ATP5F1C: variants seen among roughly 807,000 people sequenced by gnomAD.
ATP5F1C encodes the protein ATP synthase F1 subunit gamma.
In ATP5F1C, 22 loss-of-function variants were observed where a neutral mutation model predicts 37.4. That is an observed-to-expected ratio of 0.59 (90% confidence interval 0.42 to 0.84). The LOEUF (loss-of-function observed/expected upper bound fraction) is 0.84, where lower values mean the gene tolerates loss of function less well. Among genes scored for constraint, ATP5F1C ranks in the 40% least tolerant of loss-of-function variants. The probability of loss-of-function intolerance (pLI) is 0.00; values close to 1 mark genes in which losing one functional copy is unlikely to be tolerated. For missense variants in ATP5F1C, 286 were observed against 362.4 expected, an observed-to-expected ratio of 0.79 and a Z score of 1.71; for synonymous variants, 121 against 128.0, an observed-to-expected ratio of 0.95 and a Z score of 0.37.
rs1186517540 is a variant in ATP5F1C at position 7,800,201 on chromosome 10, G to C, written c.637+110G>C. 3 of 1,162,042 alleles carry C rather than the reference G, an allele frequency of 2.6e-6. No individual in the cohort carries two copies. In the African/African-American group the frequency reaches 4.6e-5, roughly 18 times the overall value. 72.0% of individuals were successfully genotyped at this position (1,162,042 alleles called of 1,614,324 possible). A position where few individuals can be genotyped will look rare whatever the true frequency, so the allele number is the denominator to read the frequency against. On this transcript the variant is annotated intron_variant, in intron 6 of 9. Coordinates refer to ENST00000356708, the MANE Select transcript of ATP5F1C (RefSeq NM_001001973.3). ...GGTGGTAGCTATAGCAAATGATTTG[G>C]GGCTGTTTCTTTTTTAGATGGAATC...
chr10:7,790,467 A>G (rs916289193), intron 1 of ATP5F1C, among the ~76,000 whole-genome samples: 2 of 152,238 alleles, frequency 1.3e-5, no homozygotes, highest in African/African-American at 4.8e-5. Context: ...ACTGTCTTCA[A>G]ATTTGGGAAA....
intron 8 of ATP5F1C, among the ~76,000 whole-genome samples, chr10:7,806,463 T>A (rs1444925673): frequency 6.6e-6 from 1 of 152,118 alleles, no homozygotes; most frequent in Non-Finnish European, 1.5e-5. Flanking sequence ...CAGACCAGCC[T>A]GGCCAACATG....
Position 7,799,810 on chromosome 10 carries a change from T to C in ATP5F1C, c.467T>C (p.Val156Ala), listed in dbSNP as rs914198857. 4 of 1,614,210 alleles carry C rather than the reference T, an allele frequency of 2.5e-6. No individual in the cohort carries two copies. Among genetic ancestry groups the C allele is most frequent in the African/African-American group, 1.3e-5 (1 of 75,068 alleles). The change falls in exon 5 of 10, where the codon GTG becomes GCG. Residue 156 changes from valine to alanine, a missense_variant. Val to Ala is a moderately conservative substitution (Grantham distance 64). Coordinates refer to ENST00000356708, the MANE Select transcript of ATP5F1C (RefSeq NM_001001973.3). ...SDQFLVAFKE[V>A]GRKPPTFGDA... ...CAGTTTCTGGTGGCATTCAAAGAAG[T>C]GGGAAGAAAGCCCCCCACTTTTGGA...
chr10:7,790,562 C>T (rs572215210), intron 1 of ATP5F1C, among the ~76,000 whole-genome samples: 5 of 151,930 alleles, frequency 3.3e-5, no homozygotes, highest in South Asian at 2.1e-4. Context: ...CTACAGATAC[C>T]GATAAGGAGA....
intron 4 of ATP5F1C, 45 bp downstream of exon 4, chr10:7,799,239 G>A (rs778501395): frequency 5.8e-6 from 9 of 1,548,796 alleles, no homozygotes; most frequent in East Asian, 2.4e-5. Flanking sequence ...ATGTAAGCAC[G>A]AATAAATCTT....
At chr10:7,794,328 T>G (rs1836204763) in intron 1 of ATP5F1C, among the ~76,000 whole-genome samples, 1 of 152,198 alleles carries the variant, frequency 6.6e-6, no homozygotes, top group Admixed American at 6.5e-5. Flanking sequence ...AAAAACAGTT[T>G]TATTCCTTCC....
At chr10:7,796,644 GC>G (rs1212052837) in intron 2 of ATP5F1C, 1 of 155,110 alleles carries the variant, frequency 6.4e-6, no homozygotes, top group Non-Finnish European at 1.4e-5. Context: ...GAGTGCAGTG[GC>G]GCCATCTCGG....
chr10:7,799,813 G>T lies in ATP5F1C; in HGVS notation c.470G>T (p.Gly157Val), dbSNP rs1449771338. The T allele has an allele frequency of 1.2e-5, 19 of 1,614,070 alleles. No homozygotes were observed. Among genetic ancestry groups the T allele is most frequent in the African/African-American group, 2.7e-5 (2 of 74,936 alleles). The change falls in exon 5 of 10, where the codon GGA (glycine) becomes GTA (valine). Residue 157 changes from glycine (G) to valine (V), a missense_variant. By Grantham distance (109) the Gly-to-Val change is moderately radical. Coordinates refer to ENST00000356708, the MANE Select transcript of ATP5F1C (RefSeq NM_001001973.3). ...DQFLVAFKEVGRKPPTFGDAS... is the reference protein window; with the variant it reads ...DQFLVAFKEVVRKPPTFGDAS... The stretch of plus-strand genomic sequence containing the variant: ...TTTCTGGTGGCATTCAAAGAAGTGG[G>T]AAGAAAGCCCCCCACTTTTGGAGAT...
At chr10:7,789,581 T>C (rs1033260286) in intron 1 of ATP5F1C, among the ~76,000 whole-genome samples, 1 of 152,164 alleles carries the variant, frequency 6.6e-6, no homozygotes, top group African/African-American at 2.4e-5. Flanking sequence ...CACCCGGTGG[T>C]ACTTGGAAAG....
At position 7,797,110 on chromosome 10, in the gene ATP5F1C, C is replaced by G. The variant is rs747924256; in HGVS notation, c.155C>G (p.Ala52Gly). The G allele has an allele frequency of 6.2e-7, 1 of 1,614,034 alleles. No individual in the cohort carries two copies. The highest frequency in any genetic ancestry group is 1.1e-5 in the South Asian group (1 of 91,076). The change falls in exon 3 of 10, where the codon GCG becomes GGG. Residue 52 changes from alanine (A) to glycine (G), a missense_variant. Ala to Gly is a moderately conservative substitution (Grantham distance 60). Coordinates refer to ENST00000356708, the MANE Select transcript of ATP5F1C (RefSeq NM_001001973.3). ...QKITKSMKMV[A>G]AAKYARAERE... ...ATTACCAAGTCTATGAAAATGGTAG[C>G]GGCAGCAAAATATGCCCGAGCTGAG...
At chr10:7,799,283 C>T in intron 4 of ATP5F1C, 89 bp downstream of exon 4, 1 of 1,232,262 alleles carries the variant, frequency 8.1e-7, no homozygotes, top group Non-Finnish European at 1.2e-6. Context: ...TCAAAACCTT[C>T]ATCAATAACA....
chr10:7,802,394 G>A lies in ATP5F1C; in HGVS notation c.762G>A (p.Met254Ile). 1 of 1,613,634 alleles carries A rather than the reference G, an allele frequency of 6.2e-7. No homozygotes were observed. The highest frequency in any genetic ancestry group is 8.5e-7 in the Non-Finnish European group (1 of 1,179,852). Reference sequence around the variant, plus strand: ...CCACTAGTGAGCAGAGTGCCAGGATGACAGCCATGGACAATGCCAGCAAGA... The same window carrying A: ...CCACTAGTGAGCAGAGTGCCAGGATAACAGCCATGGACAATGCCAGCAAGA... ...ESTTSEQSAR[M>I]TAMDNASKNA... The change falls in exon 7 of 10, where the codon ATG (methionine) becomes ATA (isoleucine). Residue 254 changes from methionine to isoleucine, a missense_variant. Met to Ile is a conservative substitution (Grantham distance 10). Coordinates refer to ENST00000356708, the MANE Select transcript of ATP5F1C (RefSeq NM_001001973.3).
chr10:7,802,475 G>A (rs1456331188), intron 7 of ATP5F1C, 50 bp downstream of exon 7: 3 of 1,568,040 alleles, frequency 1.9e-6, no homozygotes, highest in Non-Finnish European at 2.6e-6. Context: ...TGAGCACACA[G>A]TGAATCTCAG....
At chr10:7,802,664 T>C in intron 7 of ATP5F1C, 94 bp from the exon 8 acceptor site, 2 of 1,372,148 alleles carry the variant, frequency 1.5e-6, no homozygotes, top group Non-Finnish European at 2.0e-6. Flanking sequence ...TATCCAAAAA[T>C]TTCTTACTTT....
At chr10:7,798,921 G>A in intron 3 of ATP5F1C, 69 bp from the exon 4 acceptor site, 1 of 1,438,564 alleles carries the variant, frequency 7.0e-7, no homozygotes. Context: ...CAACTGCTTT[G>A]TAAATTAGAG....
chr10:7,790,582 A>C (rs1191394089), intron 1 of ATP5F1C, among the ~76,000 whole-genome samples: 1 of 152,218 alleles, frequency 6.6e-6, no homozygotes, highest in East Asian at 1.9e-4. Context: ...ATGGCATTTC[A>C]GGAGAGAAAA....
intron 8 of ATP5F1C, among the ~76,000 whole-genome samples, chr10:7,803,481 G>T (rs1233991711): frequency 6.6e-6 from 1 of 151,926 alleles, no homozygotes; most frequent in African/African-American, 2.4e-5. Context: ...AATTGTTGTT[G>T]TATTGGTTTT....
intron 3 of ATP5F1C, among the ~76,000 whole-genome samples, chr10:7,798,676 G>A (rs186155751): frequency 6.6e-6 from 1 of 152,138 alleles, no homozygotes; most frequent in Non-Finnish European, 1.5e-5. Context: ...GATTACAGAC[G>A]TGAGCCACCG....
intron 4 of ATP5F1C, 90 bp from the exon 5 acceptor site, chr10:7,799,682 T>C: frequency 6.8e-7 from 1 of 1,476,888 alleles, no homozygotes; most frequent in South Asian, 1.3e-5. Context: ...ACCTGATCCA[T>C]GGTGACAATG....
Sources: allele counts gnomAD v4.1 joint callset (sites outside exome capture counted in the v4.1 genomes callset), GRCh38; gene constraint gnomAD v4.1.1; transcripts MANE v1.5; gene names NCBI Gene and HGNC (gene_info 2026-07-23, HGNC 2026-07-21).